Variants in PPFIA2 observed in about 807,000 individuals in gnomAD.
PPFIA2 encodes the protein PPFI scaffold protein A2.
A neutral mutation model predicts 175.5 loss-of-function variants in PPFIA2; 46 were observed. The observed-to-expected ratio is 0.26, with a 90% CI of 0.21 to 0.34. The LOEUF (loss-of-function observed/expected upper bound fraction) is 0.34, where lower values mean the gene tolerates loss of function less well. PPFIA2 is among the 10% of genes least tolerant of loss of function. The pLI, the probability that PPFIA2 is intolerant of heterozygous loss-of-function variation, is 1.00. For synonymous variants in PPFIA2, 568 were observed against 511.4 expected, an observed-to-expected ratio of 1.11 and a Z score of -1.49; for missense variants, 1,179 against 1,506.1, an observed-to-expected ratio of 0.78 and a Z score of 3.60.
At chr12:81,701,706 TATCA>T (rs201761488) in intron 3 of PPFIA2, among the ~76,000 whole-genome samples, 1,556 of 152,124 alleles carry the variant, frequency 0.01, 18 homozygotes, top group Non-Finnish European at 0.012. Context: ...AATAAATAAA[TATCA>T]ATCAGTGCCT....
intron 4 of PPFIA2, among the ~76,000 whole-genome samples, chr12:81,524,652 T>C (rs144139567): frequency 1.7e-4 from 26 of 152,322 alleles, no homozygotes; most frequent in African/African-American, 5.5e-4. Context: ...AATATTTAGA[T>C]GAGATGTGAA....
intron 3 of PPFIA2, among the ~76,000 whole-genome samples, chr12:81,751,351 T>C (rs2083743124): frequency 1.3e-5 from 2 of 151,996 alleles, no homozygotes; most frequent in Admixed American, 6.6e-5. Context: ...GATTTGTGAA[T>C]ATGTAATGAA....
intron 7 of PPFIA2, among the ~76,000 whole-genome samples, chr12:81,415,137 A>G (rs2044703456): frequency 7.7e-6 from 1 of 129,974 alleles, no homozygotes; most frequent in Non-Finnish European, 1.6e-5. Context: ...TTGAGGTAAG[A>G]ATGAGAGGTT....
chr12:81,268,132 CT>C (rs746893824), intron 28 of PPFIA2, 45 bp from the exon 29 acceptor site: 81,477 of 620,224 alleles, frequency 0.13, 16 homozygotes, highest in Middle Eastern at 0.17. Flanking sequence ...ATTTTTCTTT[CT>C]TTTTTTTTTT....
intron 4 of PPFIA2, among the ~76,000 whole-genome samples, chr12:81,667,180 T>C (rs1289094492): frequency 2.0e-5 from 3 of 152,106 alleles, no homozygotes; most frequent in African/African-American, 2.4e-5. Context: ...CTCTTTTACC[T>C]ACTTTCCACT....
At chr12:81,512,202 C>A in intron 4 of PPFIA2, 1 of 610,978 alleles carries the variant, frequency 1.6e-6, no homozygotes, top group Non-Finnish European at 2.6e-6. Context: ...GCTGTCTTAT[C>A]ATCCCTTACT....
At chr12:81,414,289 CT>C (rs1368069571) in intron 7 of PPFIA2, among the ~76,000 whole-genome samples, 1 of 151,592 alleles carries the variant, frequency 6.6e-6, no homozygotes, top group Non-Finnish European at 1.5e-5. Context: ...TTGCAGGGGG[CT>C]TTTCCTGACC....
chr12:81,502,620 C>T (rs529130969), intron 4 of PPFIA2, among the ~76,000 whole-genome samples: 2 of 152,208 alleles, frequency 1.3e-5, no homozygotes, highest in Non-Finnish European at 2.9e-5. Context: ...TTCGTTCATC[C>T]TAAATTACAT....
At chr12:81,510,887 T>A (rs372608706) in intron 4 of PPFIA2, among the ~76,000 whole-genome samples, 2 of 152,064 alleles carry the variant, frequency 1.3e-5, no homozygotes, top group South Asian at 2.1e-4. Context: ...AACATTAAAC[T>A]CAGAATCAGC....
chr12:81,372,642 T>TA (rs201293714), intron 11 of PPFIA2, among the ~76,000 whole-genome samples: 1,862 of 143,846 alleles, frequency 0.013, 40 homozygotes, highest in Admixed American at 0.03. Flanking sequence ...CTCAAATGTT[T>TA]AAAAAAAAAA....
intron 4 of PPFIA2, among the ~76,000 whole-genome samples, chr12:81,589,294 C>A (rs927667138): frequency 3.9e-5 from 6 of 152,114 alleles, no homozygotes; most frequent in Admixed American, 2.6e-4. Context: ...TCATTGATTT[C>A]TATGGTTGCT....
intron 4 of PPFIA2, among the ~76,000 whole-genome samples, chr12:81,672,035 TG>T (rs899603954): frequency 2.0e-5 from 3 of 151,948 alleles, no homozygotes; most frequent in African/African-American, 7.2e-5. Flanking sequence ...AATGAGTAAC[TG>T]TGTATTGATT....
chr12:81,383,699 G>A (rs889377712), intron 9 of PPFIA2, among the ~76,000 whole-genome samples: 4 of 152,022 alleles, frequency 2.6e-5, no homozygotes, highest in Non-Finnish European at 4.4e-5. Flanking sequence ...TAAGAGTATA[G>A]CAATTCATGA....
intron 3 of PPFIA2, among the ~76,000 whole-genome samples, chr12:81,718,712 A>G (rs2078961662): frequency 6.6e-6 from 1 of 151,682 alleles, no homozygotes; most frequent in Non-Finnish European, 1.5e-5. Context: ...AAATGCTGCT[A>G]TAAATATTTG....
At position 81,259,457 on chromosome 12, in the gene PPFIA2, A is replaced by G; in HGVS notation, c.*237T>C. 1.5e-6 allele frequency: 1 copy of G among 669,318 alleles called. No individual in the cohort carries two copies. The highest frequency in any genetic ancestry group is 1.7e-5 in the South Asian group (1 of 60,574). The allele number at this position is 669,318 out of a possible 1,614,324, so 41.5% of individuals were successfully genotyped here. On this transcript the variant is annotated 3_prime_UTR_variant, in exon 33 of 33. Transcript: ENST00000549396. ...GTTTATGATGTAGATGATGTTTATT[A>G]TTCAAATGACTTAAGCATTTTATTA...
At chr12:81,459,823 C>T (rs531918139) in intron 4 of PPFIA2, among the ~76,000 whole-genome samples, 3 of 152,176 alleles carry the variant, frequency 2.0e-5, no homozygotes, top group African/African-American at 7.2e-5. Flanking sequence ...ACTACTTTCA[C>T]ATTTATTATA....
At chr12:81,575,819 T>C (rs1233320650) in intron 4 of PPFIA2, among the ~76,000 whole-genome samples, 1 of 151,660 alleles carries the variant, frequency 6.6e-6, no homozygotes, top group Non-Finnish European at 1.5e-5. Flanking sequence ...ACTACTCTTT[T>C]ATAAAAAAGA....
intron 9 of PPFIA2, among the ~76,000 whole-genome samples, chr12:81,378,734 A>C (rs1421721127): frequency 6.6e-6 from 1 of 152,184 alleles, no homozygotes; most frequent in Non-Finnish European, 1.5e-5. Context: ...TAACAGCAAT[A>C]AAGTCAATAA....
chr12:81,307,804 T>TTTCTGCTCAACTAACACAAATA (rs1334345939), intron 22 of PPFIA2, among the ~76,000 whole-genome samples: 1 of 152,178 alleles, frequency 6.6e-6, no homozygotes, highest in Admixed American at 6.5e-5. Context: ...TCCCTGGCTT[T>TTTCTGCTCAACTAACACAAATA]TTCTGCTCAA....
Sources: gnomAD v4.1 joint callset for allele counts (sites outside exome capture counted in the v4.1 genomes callset) on GRCh38, gnomAD v4.1.1 for gene constraint, MANE v1.5 for transcripts, NCBI Gene and HGNC (gene_info 2026-07-23, HGNC 2026-07-21) for gene names.